The following C1GALT1 variants were observed in gnomAD, a reference collection of about 807,000 sequenced individuals.
The protein encoded by C1GALT1 is core 1 synthase, glycoprotein-N-acetylgalactosamine 3-beta-galactosyltransferase 1, also known as glycoprotein-N-acetylgalactosamine 3-beta-galactosyltransferase 1.
Under a neutral mutation model 31.0 loss-of-function variants are expected in C1GALT1, and 11 were observed. The ratio of observed to expected loss-of-function variants is 0.36; its 90% confidence interval spans 0.22 to 0.59. C1GALT1 has a LOEUF of 0.59. Ranked by LOEUF, C1GALT1 falls within the 20% of genes least tolerant of loss-of-function variation. The pLI is 0.79. For synonymous variants in C1GALT1, 175 were observed against 143.6 expected (o/e 1.22, Z -1.56); for missense variants, 424 against 425.2 (o/e 1.00, Z 0.03).
Position 7,234,378 on chromosome 7 carries a change from T to A in C1GALT1, c.59T>A (p.Phe20Tyr), listed in dbSNP as rs1296284547. Residue 20 changes from phenylalanine to tyrosine, a missense_variant, in exon 2 of 4, where the codon TTT becomes TAT. Physicochemically the swap from Phe to Tyr is conservative, Grantham distance 22. This residue lies in a region of C1GALT1 where 189 missense variants were observed against 158.2 expected (regional missense o/e 1.19). Transcript: ENST00000436587. ...LTFLCGSAIGFLLCSQLFSIL... is the reference protein window; with the variant it reads ...LTFLCGSAIGYLLCSQLFSIL... ...TTCCTCTGTGGATCAGCAATAGGAT[T>A]TCTTTTATGTTCTCAGCTATTTAGT... The A allele has an allele frequency of 6.2e-7, 1 of 1,614,020 alleles. No homozygotes were observed. The highest frequency in any genetic ancestry group is 2.2e-5 in the East Asian group (1 of 44,830).
intron 2 of C1GALT1, among the ~76,000 whole-genome samples, chr7:7,161,260 C>A (rs747389559): frequency 1.3e-4 from 20 of 152,036 alleles, no homozygotes; most frequent in Non-Finnish European, 2.6e-4. Context: ...TCATCCAAAT[C>A]TATAAACTTG....
At position 7,248,388 on chromosome 7, in the gene C1GALT1, C is replaced by A. The variant is rs1270065035; in HGVS notation, c.*4661C>A. The A allele has an allele frequency of 6.6e-6, 1 of 151,972 alleles. No homozygotes were observed. Among genetic ancestry groups the A allele is most frequent in the Non-Finnish European group, 1.5e-5 (1 of 67,874 alleles). 9.4% of individuals were successfully genotyped at this position (151,972 alleles called of 1,614,324 possible). A position where few individuals can be genotyped will look rare whatever the true frequency, so the allele number is the denominator to read the frequency against. ...TATTATTAGAGGGAAACTAATCTTA[C>A]TGCTAAGCAGTGTGTTGTACTACAT... On this transcript the variant is annotated 3_prime_UTR_variant, in exon 4 of 4. Coordinates refer to ENST00000436587, the MANE Select transcript of C1GALT1 (RefSeq NM_020156.5).
intron 1 of C1GALT1, among the ~76,000 whole-genome samples, chr7:7,231,139 G>C (rs1457883046): frequency 7.2e-5 from 11 of 152,258 alleles, no homozygotes; most frequent in Admixed American, 3.9e-4. Flanking sequence ...CAGAATGCTA[G>C]GTTGGTAGTT....
chr7:7,216,362 G>A (rs1043006138), intron 1 of C1GALT1, among the ~76,000 whole-genome samples: 3 of 152,094 alleles, frequency 2.0e-5, no homozygotes, highest in African/African-American at 7.2e-5. Context: ...TGTAGGCATG[G>A]TCCTCCAAGC....
chr7:7,202,244 T>G (rs535013265), intron 1 of C1GALT1, among the ~76,000 whole-genome samples: 2 of 152,270 alleles, frequency 1.3e-5, no homozygotes, highest in Non-Finnish European at 2.9e-5. Flanking sequence ...GTCTATGGAT[T>G]CTCTCGGCTT....
Position 7,243,960 on chromosome 7 carries a change from T to A in C1GALT1, c.*233T>A. 1 of 276,014 alleles carries A rather than the reference T, an allele frequency of 3.6e-6. No individual in the cohort carries two copies. Among genetic ancestry groups the A allele is most frequent in the Non-Finnish European group, 6.7e-6 (1 of 149,608 alleles). 17.1% of individuals were successfully genotyped at this position (276,014 alleles called of 1,614,324 possible). On this transcript the variant is annotated 3_prime_UTR_variant, in exon 4 of 4. Transcript: ENST00000436587. ...TATGTCTATATATATGAGGAACTTG[T>A]GTTTTTTAAATGGTGGCCAGGTAGA...
At chr7:7,165,654 A>G (rs899481688) in intron 2 of C1GALT1, among the ~76,000 whole-genome samples, 1 of 152,130 alleles carries the variant, frequency 6.6e-6, no homozygotes, top group Admixed American at 6.6e-5. Context: ...CTTCTCCGAT[A>G]TGTTCCCTTT....
chr7:7,186,704 C>T (rs1450167485), intron 1 of C1GALT1, among the ~76,000 whole-genome samples: 2 of 152,316 alleles, frequency 1.3e-5, no homozygotes, highest in East Asian at 3.9e-4. Context: ...CATATGAGCA[C>T]CTGGGTGCGT....
In C1GALT1 at chr7:7,246,567, C is replaced by T. The variant is rs5010183; in HGVS notation, c.*2840C>T. 0.74 allele frequency: 112,281 copies of T among 151,958 alleles called. 42,796 individuals carry two copies. The highest frequency in any genetic ancestry group is 0.94 in the East Asian group (4,864 of 5,182). 9.4% of individuals were successfully genotyped at this position (151,958 alleles called of 1,614,324 possible). ...ACCTTGGGCAGTGACTGTCAAAAGT[C>T]TGGTCCCAACAAACAGCATTAACGT... On this transcript the variant is annotated 3_prime_UTR_variant, in exon 4 of 4. Coordinates refer to ENST00000436587, the MANE Select transcript of C1GALT1 (RefSeq NM_020156.5).
Position 7,245,349 on chromosome 7 carries a change from C to G in C1GALT1, c.*1622C>G, listed in dbSNP as rs575599398. On this transcript the variant is annotated 3_prime_UTR_variant, in exon 4 of 4. Coordinates refer to ENST00000436587, the MANE Select transcript of C1GALT1 (RefSeq NM_020156.5). ...CGCGCTGCCACGCCCCGCCAGTTTT[C>G]ATATTTTTAGTAGAGACAGGGTTTT... 6.6e-6 allele frequency: 1 copy of G among 152,424 alleles called. No individual in the cohort carries two copies. Among genetic ancestry groups the G allele is most frequent in the African/African-American group, 2.4e-5 (1 of 41,578 alleles). The allele number at this position is 152,424 out of a possible 1,614,324, so 9.4% of individuals were successfully genotyped here.
intron 1 of C1GALT1, among the ~76,000 whole-genome samples, chr7:7,201,556 C>T (rs1164657747): frequency 6.6e-6 from 1 of 152,176 alleles, no homozygotes; most frequent in Non-Finnish European, 1.5e-5. Context: ...TTTAAGTCTG[C>T]AGAAGTTACT....
intron 2 of C1GALT1, among the ~76,000 whole-genome samples, chr7:7,165,604 A>C (rs1780384417): frequency 6.6e-6 from 1 of 152,146 alleles, no homozygotes; most frequent in African/African-American, 2.4e-5. Context: ...AGGAAGAAAG[A>C]GTCCAGAAAG....
rs760101441 is a variant in C1GALT1 at position 7,238,813 on chromosome 7, C to A, written c.779C>A (p.Thr260Asn). 1.9e-6 allele frequency: 3 copies of A among 1,613,698 alleles called. No homozygotes were observed. Among genetic ancestry groups the A allele is most frequent in the Non-Finnish European group, 2.5e-6 (3 of 1,179,852 alleles). ...GTAGAAGCAGGAGATTCCAGAGATA[C>A]CATTGGAAAAGAAACTTTTCATCCC... ...MNVEAGDSRD[T>N]IGKETFHPFV... Residue 260 changes from threonine (T) to asparagine (N), a missense_variant, in exon 3 of 4, where the codon ACC becomes AAC. Physicochemically the swap from Thr to Asn is moderately conservative, Grantham distance 65 (BLOSUM62 0). Transcript: ENST00000436587. The surrounding 1 kb of genome is among the most constrained non-coding windows in gnomAD (Gnocchi z 5.2).
At chr7:7,204,361 G>C (rs554898014) in intron 1 of C1GALT1, among the ~76,000 whole-genome samples, 2 of 151,852 alleles carry the variant, frequency 1.3e-5, no homozygotes, top group African/African-American at 4.8e-5. Context: ...ACATTCGGTT[G>C]TTTATAGTAT....
intron 1 of C1GALT1, among the ~76,000 whole-genome samples, chr7:7,218,423 C>CAGAT (rs746233084): frequency 2.0e-5 from 3 of 151,860 alleles, no homozygotes; most frequent in Non-Finnish European, 2.9e-5. Context: ...GGGTTGTTTG[C>CAGAT]AGATAGTAGT....
At position 7,243,614 on chromosome 7, in the gene C1GALT1, C is replaced by T. The variant is rs1168830991; in HGVS notation, c.979C>T (p.Arg327Cys). Reference sequence around the variant, plus strand: ...GTTAGAATACCTCGTTTATCATCTTCGTCCATATGGTTATTTATACAGATA... The same window carrying T: ...GTTAGAATACCTCGTTTATCATCTTTGTCCATATGGTTATTTATACAGATA... ...YELEYLVYHL[R>C]PYGYLYRYQP... Residue 327 changes from arginine to cysteine, a missense_variant, in exon 4 of 4, where the codon CGT (arginine) becomes TGT (cysteine). Physicochemically the swap from Arg to Cys is radical, Grantham distance 180. Transcript: ENST00000436587. 3.7e-6 allele frequency: 6 copies of T among 1,612,402 alleles called. No homozygotes were observed. Among genetic ancestry groups the T allele is most frequent in the South Asian group, 2.2e-5 (2 of 90,880 alleles).
chr7:7,161,456 G>A (rs1780333007), intron 2 of C1GALT1, among the ~76,000 whole-genome samples: 1 of 152,076 alleles, frequency 6.6e-6, no homozygotes, highest in Non-Finnish European at 1.5e-5. Flanking sequence ...AATAAATGAA[G>A]TACTTGTTAA....
At chr7:7,220,343 C>G (rs973907543) in intron 1 of C1GALT1, among the ~76,000 whole-genome samples, 1 of 152,074 alleles carries the variant, frequency 6.6e-6, no homozygotes, top group Admixed American at 6.5e-5. Flanking sequence ...GTTGAGTGTT[C>G]TTTTTAATTT....
Position 7,234,436 on chromosome 7 carries a change from T to C in C1GALT1, c.117T>C (p.Pro39=), listed in dbSNP as rs775586138. ...ILLGEKVDTQ[P]NVLHNDPHAR... ...TGGGAGAAAAGGTTGACACCCAGCC[T>C]AATGTTCTTCATAATGATCCTCATG... The change falls in exon 2 of 4, where the codon CCT becomes CCC. Residue 39 remains proline (P), a synonymous_variant. Coordinates refer to ENST00000436587, the MANE Select transcript of C1GALT1 (RefSeq NM_020156.5). 3.7e-6 allele frequency: 6 copies of C among 1,613,798 alleles called. No individual in the cohort carries two copies. The African/African-American group carries it at 6.7e-5, about 18-fold the overall frequency.
Sources: gnomAD v4.1 joint callset for allele counts (sites outside exome capture counted in the v4.1 genomes callset) on GRCh38, gnomAD v4.1.1 for gene constraint, gnomAD v4.1.1 regional missense constraint, Gnocchi (gnomAD v3.1) non-coding constraint, MANE v1.5 for transcripts, NCBI Gene and HGNC (gene_info 2026-07-23, HGNC 2026-07-21) for gene names.